Variants in RIMS2 observed in about 807,000 individuals in gnomAD.
The protein encoded by RIMS2 is regulating synaptic membrane exocytosis protein 2.
A neutral mutation model predicts 174.4 loss-of-function variants in RIMS2; 59 were observed. The ratio of observed to expected loss-of-function variants is 0.34; its 90% CI spans 0.27 to 0.42. The LOEUF (loss-of-function observed/expected upper bound fraction) is 0.42, where lower values mean the gene tolerates loss of function less well. Ranked by LOEUF, RIMS2 falls within the 10% of genes least tolerant of loss-of-function variation. RIMS2 has a pLI of 1.00. For missense variants in RIMS2, 1,620 were observed against 1,666.3 expected (o/e 0.97, Z 0.48); for synonymous variants, 606 against 572.5 (o/e 1.06, Z -0.84).
chr8:104,125,665 A>G (rs2098422535), intron 19 of RIMS2, among the ~76,000 whole-genome samples: 1 of 152,182 alleles, frequency 6.6e-6, no homozygotes, highest in African/African-American at 2.4e-5. Flanking sequence ...TATGTTAATG[A>G]TGACCAACTT....
intron 1 of RIMS2, among the ~76,000 whole-genome samples, chr8:103,522,509 A>T (rs1832208757): frequency 6.6e-6 from 1 of 152,128 alleles, no homozygotes; most frequent in Non-Finnish European, 1.5e-5. Flanking sequence ...CCCAAGTTTG[A>T]TAACAATGAA....
chr8:104,108,774 A>G (rs895683487), intron 19 of RIMS2, among the ~76,000 whole-genome samples: 6 of 152,156 alleles, frequency 3.9e-5, no homozygotes, highest in African/African-American at 1.4e-4. Context: ...GAAGACCACT[A>G]TGTATTTTCT....
chr8:103,997,068 C>G (rs913067867), intron 17 of RIMS2, among the ~76,000 whole-genome samples: 8 of 151,688 alleles, frequency 5.3e-5, no homozygotes, highest in East Asian at 3.9e-4. Flanking sequence ...AAGACAGCTT[C>G]GAGAGTGTGG....
intron 19 of RIMS2, among the ~76,000 whole-genome samples, chr8:104,226,621 G>C (rs1188624808): frequency 6.6e-6 from 1 of 152,200 alleles, no homozygotes; most frequent in Non-Finnish European, 1.5e-5. Flanking sequence ...AACTGTGACA[G>C]GTGTTAGGAG....
intron 3 of RIMS2, among the ~76,000 whole-genome samples, chr8:103,770,330 C>T (rs945881134): frequency 6.6e-6 from 1 of 152,192 alleles, no homozygotes; most frequent in African/African-American, 2.4e-5. Flanking sequence ...AATCCCAGCA[C>T]TTTGGGAGGC....
chr8:103,946,325 T>C (rs55685114), intron 14 of RIMS2, among the ~76,000 whole-genome samples: 19,301 of 151,990 alleles, frequency 0.13, 1,693 homozygotes, highest in Non-Finnish European at 0.19. Context: ...AACCCCATCT[T>C]TACTAACAGT....
chr8:104,234,152 G>A (rs2099246551), intron 19 of RIMS2, among the ~76,000 whole-genome samples: 1 of 152,098 alleles, frequency 6.6e-6, no homozygotes, highest in South Asian at 2.1e-4. Flanking sequence ...ATGGCATAGG[G>A]TAATTAGGAT....
intron 1 of RIMS2, among the ~76,000 whole-genome samples, chr8:103,624,937 C>A (rs559735579): frequency 6.6e-6 from 1 of 151,974 alleles, no homozygotes; most frequent in African/African-American, 2.4e-5. Context: ...CCCTTTTTGG[C>A]AGAAGAATAT....
At chr8:103,641,634 T>C (rs574520117) in intron 1 of RIMS2, among the ~76,000 whole-genome samples, 1 of 152,198 alleles carries the variant, frequency 6.6e-6, no homozygotes, top group African/African-American at 2.4e-5. Flanking sequence ...GTGAGGTGTT[T>C]AGGTCATGGA....
rs974008677 is a variant in RIMS2, at chr8:103,733,331, G to A, written c.388-32896G>A. 3.9e-4 allele frequency among the ~76,000 whole-genome samples: 59 copies of A among 151,986 alleles called. 1 individual carries two copies. Among genetic ancestry groups the A allele is most frequent in the African/African-American group, 1.3e-3 (55 of 41,372 alleles). On this transcript the variant is annotated intron_variant, in intron 2 of 23. Transcript: ENST00000504942. ...AGACAAATCCTTTTTACTCTTCCAA[G>A]CAGAGGAACGAAGTCTCTCCCAGTA...
chr8:103,526,746 A>AT (rs1400762285), intron 1 of RIMS2, among the ~76,000 whole-genome samples: 6 of 152,194 alleles, frequency 3.9e-5, no homozygotes, highest in Non-Finnish European at 8.8e-5. Context: ...GCACAGAAAT[A>AT]TAACAGTATG....
At chr8:103,992,427 A>T (rs1309952373) in intron 17 of RIMS2, among the ~76,000 whole-genome samples, 1 of 151,758 alleles carries the variant, frequency 6.6e-6, no homozygotes, top group East Asian at 1.9e-4. Flanking sequence ...CGCCTGGCCC[A>T]TGTAGTTTTT....
intron 1 of RIMS2, among the ~76,000 whole-genome samples, chr8:103,637,043 G>A (rs2096103265): frequency 6.6e-6 from 1 of 152,150 alleles, no homozygotes; most frequent in Non-Finnish European, 1.5e-5. Flanking sequence ...TCTCTGAGAT[G>A]TTTCTTCTAA....
At chr8:103,874,359 A>G (rs956907273) in intron 3 of RIMS2, among the ~76,000 whole-genome samples, 1 of 152,038 alleles carries the variant, frequency 6.6e-6, no homozygotes, top group African/African-American at 2.4e-5. Context: ...AGGCCAGTTC[A>G]ATCAAAACCA....
intron 1 of RIMS2, among the ~76,000 whole-genome samples, chr8:103,557,128 C>T (rs1358361862): frequency 6.6e-6 from 1 of 152,190 alleles, no homozygotes; most frequent in Non-Finnish European, 1.5e-5. Context: ...GTACTTAACA[C>T]AGTGTTTACC....
chr8:103,674,889 C>T (rs1035124717), intron 1 of RIMS2, among the ~76,000 whole-genome samples: 10 of 151,886 alleles, frequency 6.6e-5, no homozygotes, highest in African/African-American at 2.4e-4. Flanking sequence ...AGTATATAAC[C>T]TTGAATTTAT....
chr8:103,574,749 C>G (rs2093087574), intron 1 of RIMS2, among the ~76,000 whole-genome samples: 1 of 152,088 alleles, frequency 6.6e-6, no homozygotes, highest in South Asian at 2.1e-4. Flanking sequence ...AAAAGAAAGC[C>G]CTTGGGAAGA....
At chr8:103,633,208 T>TTTG (rs1204230157) in intron 1 of RIMS2, among the ~76,000 whole-genome samples, 1 of 132,440 alleles carries the variant, frequency 7.6e-6, no homozygotes, top group Non-Finnish European at 1.6e-5. Flanking sequence ...TTTTTTTTTT[T>TTTG]GTATTTTTTT....
At chr8:103,640,636 T>C (rs1268422063) in intron 1 of RIMS2, among the ~76,000 whole-genome samples, 1 of 152,088 alleles carries the variant, frequency 6.6e-6, no homozygotes, top group African/African-American at 2.4e-5. Flanking sequence ...AAGCATATGG[T>C]TTAATTTCCA....
Sources: allele counts gnomAD v4.1 joint callset (sites outside exome capture counted in the v4.1 genomes callset), GRCh38; gene constraint gnomAD v4.1.1; transcripts MANE v1.5; gene names NCBI Gene and HGNC (gene_info 2026-07-23, HGNC 2026-07-21).